Variants in DNAH3 observed in about 807,000 individuals in gnomAD.
The protein encoded by DNAH3 is dynein axonemal heavy chain 3.
DNAH3 carries 332 observed loss-of-function variants against 432.5 expected under a neutral mutation model. That is an observed-to-expected ratio of 0.77 (90% CI 0.70 to 0.84). DNAH3 has a LOEUF of 0.84. Among genes scored for constraint, DNAH3 ranks in the 40% least tolerant of loss-of-function variants. The pLI is 0.00. For synonymous variants in DNAH3, 1,956 were observed against 1,900.2 expected (o/e 1.03, Z -0.76); for missense variants, 4,861 against 5,114.0 (o/e 0.95, Z 1.51).
chr16:21,062,814 C>T, intron 24 of DNAH3, 131 bp from the exon 25 acceptor site: 1 of 675,974 alleles, frequency 1.5e-6, no homozygotes, highest in Non-Finnish European at 2.5e-6. Context: ...CACAAAGGCC[C>T]ACTCTCTTTT....
At chr16:21,140,492 G>A (rs572809261) in intron 5 of DNAH3, 44 bp downstream of exon 6, 2 of 1,585,138 alleles carry the variant, frequency 1.3e-6, no homozygotes, top group Admixed American at 1.7e-5. Flanking sequence ...GATGCCGAGA[G>A]TAACCCTCAG....
At chr16:21,094,362 T>C (rs2091619209) in intron 18 of DNAH3, among the ~76,000 whole-genome samples, 1 of 152,066 alleles carries the variant, frequency 6.6e-6, no homozygotes, top group Non-Finnish European at 1.5e-5. Context: ...CAACTACTTA[T>C]GAGAATGGCT....
chr16:21,075,240 A>G (rs73542616), intron 21 of DNAH3, among the ~76,000 whole-genome samples: 3,587 of 152,078 alleles, frequency 0.024, 146 homozygotes, highest in African/African-American at 0.081. Flanking sequence ...GAATCAAAAG[A>G]CTTGTCTGAT....
intron 7 of DNAH3, among the ~76,000 whole-genome samples, chr16:21,128,687 C>T (rs1430951123): frequency 2.5e-5 from 2 of 78,436 alleles, no homozygotes; most frequent in East Asian, 1.2e-3. Flanking sequence ...GAGCGAGACT[C>T]GTCTAAAAAA....
chr16:21,047,897 G>C (rs367649892), intron 31 of DNAH3, among the ~76,000 whole-genome samples: 4,950 of 151,200 alleles, frequency 0.033, 108 homozygotes, highest in Non-Finnish European at 0.048. Flanking sequence ...TTCTAACAGA[G>C]AGGACCCTCA....
At position 20,935,062 on chromosome 16, in the gene DNAH3, C is replaced by T. The variant is rs536449076; in HGVS notation, c.11997+286G>A. 2.0e-5 allele frequency among the ~76,000 whole-genome samples: 3 copies of T among 152,210 alleles called. No individual in the cohort carries two copies. In the South Asian group the frequency reaches 6.2e-4, roughly 32 times the overall value. On this transcript the variant is annotated intron_variant, in intron 61 of 61. Transcript: ENST00000261383. ...AACATTCTTGTAAATGAAGAGTCCA[C>T]CACATTGAACAAACAGAGTGGGAGA...
At chr16:21,095,136 CT>C (rs1288626080) in intron 18 of DNAH3, among the ~76,000 whole-genome samples, 2 of 152,204 alleles carry the variant, frequency 1.3e-5, no homozygotes, top group African/African-American at 4.8e-5. Context: ...GGCACAGCCA[CT>C]GTGGAAAACA....
exon 20 of DNAH3, chr16:21,081,716 A>G: frequency 3.7e-6 from 6 of 1,613,634 alleles, no homozygotes; most frequent in South Asian, 2.2e-5. Flanking sequence ...CATAGCCAAC[A>G]ATCTCACTGA....
chr16:20,998,984 T>C (rs905780742), intron 43 of DNAH3, among the ~76,000 whole-genome samples: 1 of 152,184 alleles, frequency 6.6e-6, no homozygotes, highest in African/African-American at 2.4e-5. Context: ...AAGTTGGGCA[T>C]GGTGGTTCAC....
chr16:21,070,158 A>G (rs858186), intron 22 of DNAH3, among the ~76,000 whole-genome samples: 36,902 of 152,034 alleles, frequency 0.24, 4,761 homozygotes, highest in East Asian at 0.46. Flanking sequence ...ATGCTTCCCA[A>G]ATGCATGTGT....
chr16:20,995,475 C>T (rs1471117367), intron 44 of DNAH3, among the ~76,000 whole-genome samples: 2 of 152,130 alleles, frequency 1.3e-5, no homozygotes, highest in African/African-American at 2.4e-5. Context: ...CTTGGCCAGG[C>T]TGGTCTCGAA....
intron 50 of DNAH3, among the ~76,000 whole-genome samples, chr16:20,978,066 C>G (rs754331474): frequency 1.3e-5 from 2 of 152,194 alleles, no homozygotes; most frequent in Non-Finnish European, 2.9e-5. Flanking sequence ...AATCCATCTC[C>G]TAGTACAGCT....
chr16:20,965,184 C>G, exon 53 of DNAH3: 1 of 1,614,050 alleles, frequency 6.2e-7, no homozygotes, highest in South Asian at 1.1e-5. Context: ...TGGGAGCCAC[C>G]ACCTTGGCCA....
chr16:21,026,913 A>G, intron 38 of DNAH3, 114 bp downstream of exon 38: 2 of 686,412 alleles, frequency 2.9e-6, no homozygotes, highest in South Asian at 3.5e-5. Context: ...AATAATAATA[A>G]TGTAGATGAT....
intron 42 of DNAH3, among the ~76,000 whole-genome samples, chr16:21,002,441 G>GTTATTATTA (rs1448664851): frequency 2.2e-5 from 2 of 92,592 alleles, no homozygotes; most frequent in African/African-American, 9.6e-5. Flanking sequence ...ACTATCTGGT[G>GTTATTATTA]TTGTTATTAT....
rs1004740422 is a variant in DNAH3 at position 21,111,572 on chromosome 16, G to A, written c.2099+54C>T. Reference sequence around the variant, plus strand: ...AGGTGCAAGTTCTGGTCACTTTTTCGTCTCCAGTTGGTGCCAAATACCATT... The same window carrying A: ...AGGTGCAAGTTCTGGTCACTTTTTCATCTCCAGTTGGTGCCAAATACCATT... On this transcript the variant is annotated intron_variant, in intron 14 of 61. Coordinates refer to ENST00000261383, the Ensembl canonical transcript of DNAH3. The A allele has an allele frequency of 2.7e-5, 42 of 1,545,110 alleles. 1 individual carries two copies. The highest frequency in any genetic ancestry group is 3.5e-4 in the Middle Eastern group (2 of 5,730).
chr16:20,998,497 C>T (rs1235730733), intron 43 of DNAH3, among the ~76,000 whole-genome samples: 1 of 152,148 alleles, frequency 6.6e-6, no homozygotes, highest in Non-Finnish European at 1.5e-5. Context: ...AGGTGATCCA[C>T]CTGCCTCAGC....
At chr16:21,034,182 G>T in intron 35 of DNAH3, 97 bp from the exon 36 acceptor site, 5 of 753,184 alleles carry the variant, frequency 6.6e-6, no homozygotes, top group East Asian at 2.7e-5. Flanking sequence ...GGTCAGAAGA[G>T]GATTCTCACA....
rs536072531 is a variant in DNAH3 at position 20,946,492 on chromosome 16, G to A, written c.11344-1829C>T. On this transcript the variant is annotated intron_variant, in intron 57 of 61. Transcript: ENST00000261383. The stretch of plus-strand genomic sequence containing the variant: ...AGGATCTCCTGAGGGCTGTGTCACG[G>A]GCCATGGTCACTCATATTTGGCTCA... Among the ~76,000 whole-genome samples, 4 of 152,246 alleles carry A rather than the reference G, an allele frequency of 2.6e-5. No homozygotes were observed. In the East Asian group the frequency reaches 7.7e-4, roughly 29 times the overall value.
Sources: allele counts gnomAD v4.1 joint callset (sites outside exome capture counted in the v4.1 genomes callset), GRCh38; gene constraint gnomAD v4.1.1; transcripts MANE v1.5; gene names NCBI Gene and HGNC (gene_info 2026-07-23, HGNC 2026-07-21).